Variants in ZC3H13 observed in about 807,000 individuals in gnomAD.
ZC3H13 encodes zinc finger CCCH domain-containing protein 13.
ZC3H13 carries 64 observed loss-of-function variants against 204.1 expected under a neutral mutation model. The observed-to-expected ratio is 0.31, with a 90% CI of 0.26 to 0.39. The LOEUF is 0.39. Ranked by LOEUF, ZC3H13 falls within the 10% of genes least tolerant of loss-of-function variation. The pLI is 1.00. For missense variants in ZC3H13, 1,833 were observed against 2,082.7 expected, an observed-to-expected ratio of 0.88 and a Z score of 2.33; for synonymous variants, 667 against 693.7, an observed-to-expected ratio of 0.96 and a Z score of 0.60.
intron 3 of ZC3H13, 150 bp downstream of exon 3, chr13:46,044,805 A>G: frequency 2.4e-6 from 1 of 410,832 alleles, no homozygotes; most frequent in East Asian, 3.9e-5. Context: ...AAATAACAAA[A>G]AGATCCTGTC....
intron 8 of ZC3H13, among the ~76,000 whole-genome samples, chr13:45,992,271 G>C (rs1416863899): frequency 1.3e-5 from 2 of 152,032 alleles, no homozygotes; most frequent in East Asian, 3.8e-4. Flanking sequence ...AATATTAAGT[G>C]AGCACATACT....
At chr13:45,988,673 T>C (rs1288255661) in intron 9 of ZC3H13, 114 bp downstream of exon 9, 3 of 1,187,136 alleles carry the variant, frequency 2.5e-6, no homozygotes, top group African/African-American at 3.1e-5. Context: ...TCAAAAATTC[T>C]AGTCTGTGTG....
At chr13:46,011,166 C>T (rs73186684) in intron 6 of ZC3H13, among the ~76,000 whole-genome samples, 2,572 of 152,262 alleles carry the variant, frequency 0.017, 29 homozygotes, top group Middle Eastern at 0.027. Context: ...CCCCATGTTA[C>T]ATTAGCTGGT....
At chr13:45,986,482 C>T (rs866586203) in intron 9 of ZC3H13, among the ~76,000 whole-genome samples, 1 of 152,132 alleles carries the variant, frequency 6.6e-6, no homozygotes, top group African/African-American at 2.4e-5. Context: ...TAAATACTTG[C>T]ACTTTTTAAA....
chr13:46,025,941 C>G (rs1219642395), intron 4 of ZC3H13, among the ~76,000 whole-genome samples: 3 of 150,784 alleles, frequency 2.0e-5, no homozygotes, highest in African/African-American at 7.3e-5. Context: ...CATTGTTGTG[C>G]TTTGGCCTGA....
intron 4 of ZC3H13, among the ~76,000 whole-genome samples, chr13:46,037,664 C>T (rs2043296382): frequency 1.6e-5 from 1 of 64,504 alleles, no homozygotes; most frequent in Non-Finnish European, 2.8e-5. Flanking sequence ...TCAGTTCCAC[C>T]GTATTAAGTC....
intron 12 of ZC3H13, among the ~76,000 whole-genome samples, chr13:45,971,846 C>T (rs937261712): frequency 4.0e-5 from 6 of 151,704 alleles, no homozygotes; most frequent in African/African-American, 9.7e-5. Flanking sequence ...ATAAAGGACA[C>T]GAATAGACAT....
chr13:46,022,121 T>A (rs1328108745), intron 4 of ZC3H13, among the ~76,000 whole-genome samples: 2 of 151,914 alleles, frequency 1.3e-5, no homozygotes, highest in Non-Finnish European at 2.9e-5. Context: ...ATAAATGTCA[T>A]TAATAATGAT....
At chr13:46,034,554 G>C (rs958767674) in intron 4 of ZC3H13, among the ~76,000 whole-genome samples, 1 of 152,120 alleles carries the variant, frequency 6.6e-6, no homozygotes, top group Non-Finnish European at 1.5e-5. Flanking sequence ...CCATTACAGT[G>C]ACAGATCAGA....
intron 10 of ZC3H13, among the ~76,000 whole-genome samples, chr13:45,981,381 T>C (rs190736473): frequency 1.2e-3 from 189 of 152,352 alleles, no homozygotes; most frequent in Admixed American, 3.7e-3. Context: ...ATCCAGTCTA[T>C]CACTGTTGGA....
rs377398303 is a variant in ZC3H13 at position 45,985,322 on chromosome 13, C to T, written c.1695G>A (p.Gly565=). The T allele has an allele frequency of 3.1e-6, 5 of 1,613,556 alleles. No homozygotes were observed. The African/African-American group carries it at 5.3e-5, about 17-fold the overall frequency. The part of the protein sequence containing the change: ...IRNDRMGRSR[G]RVPELPEKGS... ...CCTTTTCAGGTAACTCAGGAACCCTCCCCCTACTTCGGCCCATTCGGTCAT... is the reference window on the plus strand; with the variant it reads ...CCTTTTCAGGTAACTCAGGAACCCTTCCCCTACTTCGGCCCATTCGGTCAT... The change falls in exon 10 of 19, where the codon GGG becomes GGA. Residue 565 remains glycine (G), a synonymous_variant. Transcript: ENST00000679008.
chr13:46,003,889 G>T (rs978581572), intron 7 of ZC3H13, among the ~76,000 whole-genome samples: 1 of 151,916 alleles, frequency 6.6e-6, no homozygotes, highest in Non-Finnish European at 1.5e-5. Context: ...ATAAAAATCC[G>T]AAAAGAAAAT....
chr13:45,957,342 A>G (rs969075872), intron 18 of ZC3H13, 45 bp from the exon 19 acceptor site: 3 of 1,394,454 alleles, frequency 2.2e-6, no homozygotes, highest in African/African-American at 2.9e-5. Context: ...GATGTACATT[A>G]TTAGTAGGAA....
At position 46,045,063 on chromosome 13, in the gene ZC3H13, G is replaced by A. The variant is rs1157385463; in HGVS notation, c.119C>T (p.Thr40Ile). Residue 40 changes from threonine to isoleucine, a missense_variant and splice_region_variant, in exon 3 of 19, where the codon ACA becomes ATA. Thr to Ile is a moderately conservative substitution (Grantham distance 89, BLOSUM62 -1). Around this residue, in one of 5 missense-constraint regions of ZC3H13, gnomAD observed 18 missense variants for 46.0 expected, o/e 0.39. Coordinates refer to ENST00000679008, the MANE Select transcript of ZC3H13 (RefSeq NM_001330564.2). ...LGPSTGSTAE[T>I]QCRNWLKTGN... ...AGTCTTCAGCCAGTTACGGCACTGT[G>A]TCTAAGAGACAGATATTACTATGTA... 1 of 1,604,920 alleles carries A rather than the reference G, an allele frequency of 6.2e-7. No individual in the cohort carries two copies. The highest frequency in any genetic ancestry group is 1.1e-5 in the South Asian group (1 of 89,154).
chr13:46,013,011 G>A (rs985633536), intron 5 of ZC3H13, among the ~76,000 whole-genome samples: 3 of 152,134 alleles, frequency 2.0e-5, no homozygotes, highest in East Asian at 3.9e-4. Context: ...CTAAAAATTC[G>A]CAACTGGAAA....
chr13:46,032,925 T>C (rs1413756631), intron 4 of ZC3H13, among the ~76,000 whole-genome samples: 2 of 151,856 alleles, frequency 1.3e-5, no homozygotes, highest in Non-Finnish European at 2.9e-5. Flanking sequence ...ACCTTTTATC[T>C]AAGAAAAAGA....
At chr13:45,968,604 G>A in intron 14 of ZC3H13, 144 bp downstream of exon 14, 2 of 995,890 alleles carry the variant, frequency 2.0e-6, no homozygotes, top group Non-Finnish European at 2.9e-6. Context: ...ATTTTGATAG[G>A]GCAGCTAAAC....
rs187854704 is a variant in ZC3H13 at position 46,014,665 on chromosome 13, A to T, written c.449-3111T>A. Among the ~76,000 whole-genome samples the T allele has an allele frequency of 2.6e-4, 39 of 152,262 alleles. No individual in the cohort carries two copies. The East Asian group carries it at 7.1e-3, about 28-fold the overall frequency. ...ATTCTATATTTTGTACTTTGCCTTT[A>T]TGATACATTCTCATTGCTAAAGTCT... On this transcript the variant is annotated intron_variant, in intron 5 of 18. Transcript: ENST00000679008.
chr13:45,985,209 C>A (rs11617425), intron 10 of ZC3H13, 88 bp downstream of exon 10: 1 of 1,289,618 alleles, frequency 7.8e-7, no homozygotes, highest in African/African-American at 1.5e-5. Context: ...AAAATGATAA[C>A]AAATGTAAGA....
Sources: gnomAD v4.1 joint callset for allele counts (sites outside exome capture counted in the v4.1 genomes callset) on GRCh38, gnomAD v4.1.1 for gene constraint, gnomAD v4.1.1 regional missense constraint, MANE v1.5 for transcripts, NCBI Gene and HGNC (gene_info 2026-07-23, HGNC 2026-07-21) for gene names.